Variants in PRKG1 observed in about 807,000 individuals in gnomAD.
PRKG1 encodes protein kinase cGMP-dependent 1.
In PRKG1, 35 loss-of-function variants were observed where a neutral mutation model predicts 88.1. The ratio of observed to expected loss-of-function variants is 0.40; its 90% CI spans 0.30 to 0.53. The LOEUF (loss-of-function observed/expected upper bound fraction) is 0.53. Among genes scored for constraint, PRKG1 ranks in the 20% least tolerant of loss-of-function variants. PRKG1 has a pLI of 0.59. For synonymous variants in PRKG1, 303 were observed against 292.5 expected, an observed-to-expected ratio of 1.04 and a Z score of -0.37; for missense variants, 540 against 839.8, an observed-to-expected ratio of 0.64 and a Z score of 4.41.
chr10:51,806,323 G>A (rs1406372015), intron 4 of PRKG1, among the ~76,000 whole-genome samples: 1 of 152,120 alleles, frequency 6.6e-6, no homozygotes, highest in Admixed American at 6.6e-5. Context: ...TATCTCAAAT[G>A]ACTCTAACAA....
intron 5 of PRKG1, among the ~76,000 whole-genome samples, chr10:51,980,795 T>C (rs1843987830): frequency 6.6e-6 from 1 of 152,182 alleles, no homozygotes; most frequent in South Asian, 2.1e-4. Flanking sequence ...CTAAAATTAG[T>C]ATTGCAACTC....
chr10:52,088,443 A>C (rs1343457329), intron 7 of PRKG1, among the ~76,000 whole-genome samples: 1 of 152,062 alleles, frequency 6.6e-6, no homozygotes, highest in East Asian at 1.9e-4. Flanking sequence ...CCTCTTCAAA[A>C]TCCATGTTGA....
intron 1 of PRKG1, among the ~76,000 whole-genome samples, chr10:51,007,256 T>C (rs758595496): frequency 6.6e-6 from 1 of 152,146 alleles, no homozygotes; most frequent in African/African-American, 2.4e-5. Flanking sequence ...GGCCTGAGAT[T>C]CTTAATTTGT....
At chr10:52,244,851 T>TAC (rs1431804416) in intron 9 of PRKG1, among the ~76,000 whole-genome samples, 2 of 5,472 alleles carry the variant, frequency 3.7e-4, no homozygotes, top group South Asian at 0.023. Context: ...TATTTAAATA[T>TAC]TTTTATATAT....
intron 3 of PRKG1, among the ~76,000 whole-genome samples, chr10:51,621,106 GT>G (rs1195571026): frequency 6.7e-6 from 1 of 149,584 alleles, no homozygotes; most frequent in Non-Finnish European, 1.5e-5. Context: ...ATGTGTGTGT[GT>G]GTATATATAT....
At chr10:51,585,662 TG>T (rs1838154385) in intron 3 of PRKG1, among the ~76,000 whole-genome samples, 2 of 152,144 alleles carry the variant, frequency 1.3e-5, no homozygotes, top group African/African-American at 4.8e-5. Flanking sequence ...AAAAAGCACA[TG>T]AACTTGTACG....
intron 3 of PRKG1, among the ~76,000 whole-genome samples, chr10:51,607,730 C>T (rs1484222832): frequency 1.3e-5 from 2 of 152,188 alleles, no homozygotes; most frequent in African/African-American, 2.4e-5. Flanking sequence ...ATGATGACTA[C>T]ATTTTGCCTT....
intron 4 of PRKG1, among the ~76,000 whole-genome samples, chr10:51,829,400 G>T (rs1289848523): frequency 6.6e-6 from 1 of 152,160 alleles, no homozygotes; most frequent in Non-Finnish European, 1.5e-5. Context: ...AGGGATTACT[G>T]GTGGCTACCT....
chr10:52,063,184 G>T (rs1211075424), intron 7 of PRKG1, among the ~76,000 whole-genome samples: 1 of 152,210 alleles, frequency 6.6e-6, no homozygotes, highest in African/African-American at 2.4e-5. Flanking sequence ...AAGGGAGACT[G>T]CAAGTCAGGC....
intron 17 of PRKG1, among the ~76,000 whole-genome samples, chr10:52,293,495 A>G (rs922371186): frequency 2.0e-5 from 3 of 152,208 alleles, no homozygotes; most frequent in African/African-American, 4.8e-5. Flanking sequence ...GCATCACGCT[A>G]CATGATCACT....
rs1448690536 is a variant in PRKG1, at chr10:51,035,419, G to A, written c.266+43775G>A. 2.0e-5 allele frequency among the ~76,000 whole-genome samples: 3 copies of A among 152,128 alleles called. No homozygotes were observed. In the East Asian group the frequency reaches 5.8e-4, roughly 29 times the overall value. ...AATTTGTTGGTCATAAGAAACAAAG[G>A]CAGCATTAAATTGTCTTGTGGTCTC... On this transcript the variant is annotated intron_variant, in intron 1 of 17. Coordinates refer to the PRKG1 transcript ENST00000401604.
chr10:51,765,518 C>A (rs1294252415), intron 3 of PRKG1, among the ~76,000 whole-genome samples: 1 of 152,186 alleles, frequency 6.6e-6, no homozygotes, highest in East Asian at 1.9e-4. Context: ...TCTGCATTAA[C>A]TTAATTATTC....
intron 3 of PRKG1, among the ~76,000 whole-genome samples, chr10:51,749,935 T>C (rs1837676453): frequency 6.7e-6 from 1 of 150,274 alleles, no homozygotes; most frequent in African/African-American, 2.4e-5. Flanking sequence ...TAATAGTCTT[T>C]TTTTTTTTTT....
chr10:52,039,621 G>A (rs1473876754), intron 5 of PRKG1, among the ~76,000 whole-genome samples: 2 of 152,074 alleles, frequency 1.3e-5, no homozygotes, highest in African/African-American at 4.8e-5. Context: ...GTAACCCTCT[G>A]ACTGCCACCT....
intron 3 of PRKG1, among the ~76,000 whole-genome samples, chr10:51,503,376 A>T (rs1325969240): frequency 1.3e-5 from 2 of 152,168 alleles, no homozygotes; most frequent in African/African-American, 4.8e-5. Context: ...ATCCTAGGTG[A>T]CAACTCTTCA....
At chr10:51,632,650 A>C (rs2132283362) in intron 3 of PRKG1, among the ~76,000 whole-genome samples, 1 of 152,298 alleles carries the variant, frequency 6.6e-6, no homozygotes, top group African/African-American at 2.4e-5. Flanking sequence ...TTACTTTGTG[A>C]ATAAAATTTT....
chr10:51,526,695 A>T (rs1385441603), intron 3 of PRKG1, among the ~76,000 whole-genome samples: 2 of 152,198 alleles, frequency 1.3e-5, no homozygotes, highest in African/African-American at 4.8e-5. Flanking sequence ...ACCCTCTGTA[A>T]AAACACCAGC....
chr10:51,587,598 T>C (rs2132200349), intron 3 of PRKG1, among the ~76,000 whole-genome samples: 1 of 152,326 alleles, frequency 6.6e-6, no homozygotes, highest in Middle Eastern at 3.4e-3. Flanking sequence ...ACTTTAGTAT[T>C]AAATATTGTA....
chr10:52,156,217 T>C (rs1838092135), intron 8 of PRKG1, among the ~76,000 whole-genome samples: 2 of 103,838 alleles, frequency 1.9e-5, no homozygotes, highest in Non-Finnish European at 4.9e-5. Flanking sequence ...TAATAATTAG[T>C]TAGTTACTCA....
Sources: allele counts gnomAD v4.1 joint callset (sites outside exome capture counted in the v4.1 genomes callset), GRCh38; gene constraint gnomAD v4.1.1; transcripts MANE v1.5; gene names NCBI Gene and HGNC (gene_info 2026-07-23, HGNC 2026-07-21).